SCD5: variants seen among roughly 807,000 people sequenced by gnomAD.
SCD5 encodes the protein acyl-CoA-desaturase 4.
In SCD5, 20 loss-of-function variants were observed where a neutral mutation model predicts 30.4. The observed-to-expected ratio is 0.66, with a 90% CI of 0.46 to 0.96. The LOEUF (loss-of-function observed/expected upper bound fraction) is 0.96. SCD5 is among the 40% of genes least tolerant of loss of function. The probability of loss-of-function intolerance (pLI) is 0.00; values close to 1 mark genes in which losing one functional copy is unlikely to be tolerated. For missense variants in SCD5, 381 were observed against 443.3 expected (o/e 0.86, Z 1.26); for synonymous variants, 173 against 176.4 (o/e 0.98, Z 0.16).
rs1728513150 is a variant in SCD5, at chr4:82,679,269, AAAG to A, written c.569+1435_569+1437del. Among the ~76,000 whole-genome samples the A allele has an allele frequency of 8.6e-5, 10 of 116,070 alleles. 1 individual carries two copies. The East Asian group carries it at 3.8e-3, about 44-fold the overall frequency. The allele number at this position is 116,070 out of a possible 152,430, so 76.1% of individuals were successfully genotyped here. On this transcript the variant is annotated intron_variant, in intron 3 of 4. Transcript: ENST00000319540. Reference sequence around the variant, plus strand: ...GAAAGAAAGAAAGAAAGAAGGAAGGAAAGAAAGAAAGAAGGAAGGAAAGAAAGA... The same window carrying A: ...GAAAGAAAGAAAGAAAGAAGGAAGGAAAAGAAAGAAGGAAGGAAAGAAAGA...
At chr4:82,648,451 G>C (rs906716233) in intron 3 of SCD5, among the ~76,000 whole-genome samples, 1 of 152,358 alleles carries the variant, frequency 6.6e-6, no homozygotes, top group East Asian at 1.9e-4. Flanking sequence ...TAGGACAGAG[G>C]AAGTCCAGAG....
intron 1 of SCD5, among the ~76,000 whole-genome samples, chr4:82,725,260 G>A (rs1053033944): frequency 1.3e-5 from 2 of 152,192 alleles, no homozygotes; most frequent in Non-Finnish European, 2.9e-5. Flanking sequence ...AAGGGCTAAT[G>A]GGGCTCATGG....
chr4:82,673,850 C>T (rs1728380879), intron 3 of SCD5, among the ~76,000 whole-genome samples: 1 of 152,252 alleles, frequency 6.6e-6, no homozygotes, highest in Admixed American at 6.5e-5. Flanking sequence ...AATAGACCCA[C>T]ATAAATATAG....
chr4:82,708,919 T>TAATAATAGCTATC (rs11269316), intron 1 of SCD5, among the ~76,000 whole-genome samples: 1 of 151,854 alleles, frequency 6.6e-6, no homozygotes, highest in Non-Finnish European at 1.5e-5. Flanking sequence ...TAATAAATAA[T>TAATAATAGCTATC]ATTGACTGAG....
At chr4:82,768,086 AAAT>A (rs1364420142) in intron 1 of SCD5, among the ~76,000 whole-genome samples, 5 of 152,220 alleles carry the variant, frequency 3.3e-5, no homozygotes, top group South Asian at 2.1e-4. Flanking sequence ...TCCTATATAA[AAAT>A]AATAACTAGC....
At chr4:82,721,075 C>G (rs1359469904) in intron 1 of SCD5, among the ~76,000 whole-genome samples, 3 of 152,146 alleles carry the variant, frequency 2.0e-5, no homozygotes, top group African/African-American at 7.2e-5. Flanking sequence ...GTAGGAGGAT[C>G]TCTTGAGCCC....
At position 82,705,351 on chromosome 4, in the gene SCD5, G is replaced by A; in HGVS notation, c.295C>T (p.His99Tyr). 6.2e-7 allele frequency: 1 copy of A among 1,614,228 alleles called. No homozygotes were observed. Among genetic ancestry groups the A allele is most frequent in the Non-Finnish European group, 8.5e-7 (1 of 1,180,046 alleles). Residue 99 changes from histidine (H) to tyrosine (Y), a missense_variant, in exon 2 of 5, where the codon CAC becomes TAC. By Grantham distance (83) the His-to-Tyr change is moderately conservative. Transcript: ENST00000319540. ...GGCAGCTTGGCCCGGTAGGACCTGT[G>A]GCTCCACAAGCGATGGGCACCAGCT... ...VTAGAHRLWSHRSYRAKLPLR... is the reference protein window; with the variant it reads ...VTAGAHRLWSYRSYRAKLPLR...
At chr4:82,637,017 A>C (rs1017129575) in intron 3 of SCD5, among the ~76,000 whole-genome samples, 194 bp from the exon 4 acceptor site, 1 of 152,228 alleles carries the variant, frequency 6.6e-6, no homozygotes, top group Non-Finnish European at 1.5e-5. Flanking sequence ...CTAGGCAGGT[A>C]ACATAAATTT....
intron 3 of SCD5, among the ~76,000 whole-genome samples, chr4:82,672,345 A>G (rs543195258): frequency 1.3e-5 from 2 of 152,258 alleles, no homozygotes; most frequent in East Asian, 1.9e-4. Context: ...AATTACTAAT[A>G]TCATAAGTCA....
At chr4:82,746,639 T>C (rs1190344648) in intron 1 of SCD5, among the ~76,000 whole-genome samples, 5 of 151,962 alleles carry the variant, frequency 3.3e-5, no homozygotes, top group Non-Finnish European at 7.4e-5. Context: ...AAACAAAAGG[T>C]GACTGACAAG....
intron 1 of SCD5, among the ~76,000 whole-genome samples, chr4:82,724,998 A>T (rs1720442164): frequency 6.6e-6 from 1 of 152,242 alleles, no homozygotes; most frequent in African/African-American, 2.4e-5. Context: ...TATGTTGATT[A>T]TATTTCAAAT....
At chr4:82,694,205 C>T (rs914868958) in intron 2 of SCD5, among the ~76,000 whole-genome samples, 1 of 152,210 alleles carries the variant, frequency 6.6e-6, no homozygotes, top group Non-Finnish European at 1.5e-5. Context: ...TCCAAATCCC[C>T]ACTCCCCACC....
chr4:82,648,468 T>C (rs888221025), intron 3 of SCD5, among the ~76,000 whole-genome samples: 1 of 152,196 alleles, frequency 6.6e-6, no homozygotes, highest in Non-Finnish European at 1.5e-5. Flanking sequence ...AGAGAGAGTG[T>C]GCAGTGGTGC....
intron 3 of SCD5, among the ~76,000 whole-genome samples, chr4:82,658,467 C>CAT (rs1553914592): frequency 1.9e-5 from 2 of 105,546 alleles, no homozygotes; most frequent in South Asian, 3.5e-4. Flanking sequence ...GGTGGATAAG[C>CAT]TTTTTTTTTT....
chr4:82,736,144 A>G (rs535760544), intron 1 of SCD5, among the ~76,000 whole-genome samples: 1 of 151,894 alleles, frequency 6.6e-6, no homozygotes, highest in East Asian at 1.9e-4. Flanking sequence ...AAAAATTAGC[A>G]GGGTGTGGTG....
intron 3 of SCD5, among the ~76,000 whole-genome samples, chr4:82,677,565 T>C (rs560200123): frequency 6.6e-6 from 1 of 152,338 alleles, no homozygotes; most frequent in African/African-American, 2.4e-5. Context: ...AACATGAAAA[T>C]ATCTGAACAG....
At chr4:82,759,490 C>G (rs1052498141) in intron 1 of SCD5, among the ~76,000 whole-genome samples, 1 of 152,058 alleles carries the variant, frequency 6.6e-6, no homozygotes, top group African/African-American at 2.4e-5. Context: ...CCTTCACTTA[C>G]ACTTCCCCCT....
At chr4:82,635,416 G>A (rs900856019) in intron 4 of SCD5, among the ~76,000 whole-genome samples, 4 of 152,044 alleles carry the variant, frequency 2.6e-5, no homozygotes, top group African/African-American at 9.6e-5. Flanking sequence ...TCAGGAGATC[G>A]AAACCATCCT....
Position 82,638,290 on chromosome 4 carries a change from A to C in SCD5, c.570-1467T>G, listed in dbSNP as rs986429263. On this transcript the variant is annotated intron_variant, in intron 3 of 4. Coordinates refer to ENST00000319540, the MANE Select transcript of SCD5 (RefSeq NM_001037582.3). Reference sequence around the variant, plus strand: ...CCCCGCCCCCTGCCCTGCCCCCCCAAAAAAAAGCAGACCACGAGGCAACGG... The same window carrying C: ...CCCCGCCCCCTGCCCTGCCCCCCCACAAAAAAGCAGACCACGAGGCAACGG... 4.0e-5 allele frequency among the ~76,000 whole-genome samples: 6 copies of C among 151,482 alleles called. No homozygotes were observed. The East Asian group carries it at 5.9e-4, about 15-fold the overall frequency.
Sources: allele counts gnomAD v4.1 joint callset (sites outside exome capture counted in the v4.1 genomes callset), GRCh38; gene constraint gnomAD v4.1.1; transcripts MANE v1.5; gene names NCBI Gene and HGNC (gene_info 2026-07-23, HGNC 2026-07-21).